The following C10orf143 variants were observed in gnomAD, a reference collection of about 807,000 sequenced individuals.
C10orf143 encodes the protein chromosome 10 open reading frame 143.
chr10:130,074,622 G>A (rs1156699252), intron 3 of C10orf143, among the ~76,000 whole-genome samples: 1 of 152,184 alleles, frequency 6.6e-6, no homozygotes, highest in Non-Finnish European at 1.5e-5. Context: ...CCAGAGGAGG[G>A]CAGAGATCAC....
At chr10:130,088,840 T>A (rs1370258941) in intron 1 of C10orf143, among the ~76,000 whole-genome samples, 1 of 152,226 alleles carries the variant, frequency 6.6e-6, no homozygotes, top group African/African-American at 2.4e-5. Context: ...GACCTTGTAC[T>A]CTTAGGAGGT....
chr10:130,110,090 C>T (rs1418893876), intron 1 of C10orf143, among the ~76,000 whole-genome samples: 2 of 152,182 alleles, frequency 1.3e-5, no homozygotes, highest in Non-Finnish European at 2.9e-5. Flanking sequence ...ATCCTGCCTA[C>T]CCCCGGTCAT....
At chr10:130,059,696 C>T (rs995059665), downstream of C10orf143, among the ~76,000 whole-genome samples, 2 of 152,084 alleles carry the variant, frequency 1.3e-5, no homozygotes, top group Non-Finnish European at 2.9e-5. Context: ...GCGAAATCAG[C>T]ACAAACTCTA....
chr10:130,085,710 A>G (rs1861280641), intron 1 of C10orf143, among the ~76,000 whole-genome samples: 2 of 152,194 alleles, frequency 1.3e-5, no homozygotes, highest in South Asian at 4.1e-4. Context: ...TGAAGGATGT[A>G]TATGAACTCT....
chr10:130,069,950 C>T (rs1861003630), intron 3 of C10orf143, among the ~76,000 whole-genome samples: 1 of 152,064 alleles, frequency 6.6e-6, no homozygotes, highest in Admixed American at 6.6e-5. Context: ...CTCTTCAACA[C>T]AGATGCTTCC....
At chr10:130,057,789 A>G (rs181610102) in intron 3 of C10orf143, among the ~76,000 whole-genome samples, 20 of 152,254 alleles carry the variant, frequency 1.3e-4, no homozygotes, top group Middle Eastern at 6.8e-3. Flanking sequence ...GCTCCATTCC[A>G]AGAGCGTCAA....
intron 1 of C10orf143, among the ~76,000 whole-genome samples, chr10:130,083,324 A>T (rs182722122): frequency 4.6e-5 from 7 of 152,348 alleles, no homozygotes; most frequent in Non-Finnish European, 8.8e-5. Context: ...TTTGCTGGTG[A>T]GAATGCAAAT....
rs548102146 is a variant in C10orf143, at chr10:130,058,173, C to G, written c.297+21393G>C. Among the ~76,000 whole-genome samples, 7 of 152,280 alleles carry G rather than the reference C, an allele frequency of 4.6e-5. 1 individual carries two copies. In the South Asian group the frequency reaches 1.5e-3, roughly 32 times the overall value. ...GAAATGCAGAATCCCAGGCCTTGCC[C>G]CAGACTTAAGAGTCTGCATTTTAAC... is the stretch of plus-strand genomic sequence containing the variant. On this transcript the variant is annotated intron_variant and NMD_transcript_variant, in intron 3 of 5. Transcript: ENST00000643056.
chr10:130,061,454 TGA>T (rs1309806270), downstream of C10orf143, among the ~76,000 whole-genome samples: 1 of 152,234 alleles, frequency 6.6e-6, no homozygotes, highest in Non-Finnish European at 1.5e-5. Flanking sequence ...TGTTCTAAAA[TGA>T]GTTTCGTAAG....
intron 3 of C10orf143, among the ~76,000 whole-genome samples, chr10:130,070,295 G>C (rs1004163820): frequency 2.0e-5 from 3 of 152,146 alleles, no homozygotes; most frequent in Non-Finnish European, 4.4e-5. Context: ...GGGGTGGGGA[G>C]AGGAACCCCA....
At chr10:130,090,163 G>A (rs1861357385) in intron 1 of C10orf143, among the ~76,000 whole-genome samples, 2 of 152,176 alleles carry the variant, frequency 1.3e-5, no homozygotes, top group African/African-American at 4.8e-5. Context: ...GCAGCTCCCA[G>A]CAAGATCAAT....
chr10:130,055,892 G>C (rs1360234129), intron 3 of C10orf143, among the ~76,000 whole-genome samples: 2 of 140,998 alleles, frequency 1.4e-5, no homozygotes, highest in Non-Finnish European at 1.5e-5. Flanking sequence ...GTTGCAGTGA[G>C]CTGAGATCGC....
chr10:130,110,592 G>A (rs1195627896), intron 1 of C10orf143, 112 bp downstream of exon 1: 3 of 397,764 alleles, frequency 7.5e-6, no homozygotes, highest in Non-Finnish European at 1.3e-5. Context: ...CGAGTGTCTT[G>A]GGCCAGGCCT....
chr10:130,080,247 T>C (rs1180970181), intron 1 of C10orf143, among the ~76,000 whole-genome samples: 1 of 152,248 alleles, frequency 6.6e-6, no homozygotes, highest in African/African-American at 2.4e-5. Context: ...AAACTAGTTA[T>C]ATGCTTTTGC....
At chr10:130,106,632 G>C (rs766164506) in intron 1 of C10orf143, 1 of 1,300,646 alleles carries the variant, frequency 7.7e-7, no homozygotes, top group Admixed American at 1.7e-5. Flanking sequence ...ATCTTCAAGA[G>C]ATTTAAAATG....
intron 3 of C10orf143, among the ~76,000 whole-genome samples, 160 bp from the exon 4 acceptor site, chr10:130,064,543 T>C (rs1419315056): frequency 6.6e-6 from 1 of 152,078 alleles, no homozygotes; most frequent in Non-Finnish European, 1.5e-5. Context: ...GATATATTAA[T>C]ATATATTACA....
At position 130,044,327 on chromosome 10, in the gene C10orf143, G is replaced by A. The variant is rs568515398; in HGVS notation, c.298-8357C>T. Among the ~76,000 whole-genome samples, 10 of 152,228 alleles carry A rather than the reference G, an allele frequency of 6.6e-5. No individual in the cohort carries two copies. The East Asian group carries it at 9.7e-4, about 15-fold the overall frequency. On this transcript the variant is annotated intron_variant and NMD_transcript_variant, in intron 3 of 5. Transcript: ENST00000643056. ...CTGTGACTTAAGAAATAGGATATGC[G>A]GATGTGGCTGGAGGAGGAAAGTGGA...
chr10:130,079,709 A>T (rs1202340666), intron 2 of C10orf143, 28 bp downstream of exon 2: 1 of 398,604 alleles, frequency 2.5e-6, no homozygotes, highest in East Asian at 3.6e-5. Flanking sequence ...ACATGCTCAC[A>T]AGTAGTTTGG....
chr10:130,106,834 C>T, intron 1 of C10orf143: 1 of 1,168,760 alleles, frequency 8.6e-7, no homozygotes, highest in South Asian at 1.2e-5. Flanking sequence ...AAGAAAATCA[C>T]ATCAAGACTC....
Sources: allele counts gnomAD v4.1 joint callset (sites outside exome capture counted in the v4.1 genomes callset), GRCh38; gene constraint gnomAD v4.1.1; transcripts MANE v1.5; gene names NCBI Gene and HGNC (gene_info 2026-07-23, HGNC 2026-07-21).